Variants in MTUS1 observed in about 807,000 individuals in gnomAD.
The protein encoded by MTUS1 is microtubule-associated tumor suppressor 1.
Under a neutral mutation model 120.8 loss-of-function variants are expected in MTUS1, and 109 were observed. The ratio of observed to expected loss-of-function variants is 0.90; its 90% CI spans 0.77 to 1.06. MTUS1 has a LOEUF of 1.06. Among genes scored for constraint, MTUS1 ranks in the 50% least tolerant of loss-of-function variants. The pLI, the probability that MTUS1 is intolerant of heterozygous loss-of-function variation, is 0.00. For missense variants in MTUS1, 2,210 were observed against 1,486.3 expected (o/e 1.49, Z -8.01); for synonymous variants, 737 against 550.5 (o/e 1.34, Z -4.74).
chr8:17,782,062 C>T (rs574058479), intron 1 of MTUS1, among the ~76,000 whole-genome samples: 1 of 152,168 alleles, frequency 6.6e-6, no homozygotes, highest in South Asian at 2.1e-4. Context: ...TGGGCAAGTC[C>T]GTGGTTTTAT....
At chr8:17,750,552 C>G (rs2048108491) in intron 2 of MTUS1, among the ~76,000 whole-genome samples, 1 of 152,196 alleles carries the variant, frequency 6.6e-6, no homozygotes, top group Non-Finnish European at 1.5e-5. Context: ...CAAGTGAGGG[C>G]TCTGAGTGTG....
intron 8 of MTUS1, among the ~76,000 whole-genome samples, chr8:17,659,171 G>C (rs1391532907): frequency 6.6e-6 from 1 of 152,058 alleles, no homozygotes; most frequent in Non-Finnish European, 1.5e-5. Flanking sequence ...TTCTGATTCT[G>C]CCTGCACCCA....
At chr8:17,736,449 C>T (rs1326507581) in intron 3 of MTUS1, among the ~76,000 whole-genome samples, 2 of 152,192 alleles carry the variant, frequency 1.3e-5, no homozygotes, top group East Asian at 1.9e-4. Context: ...AAAGTCCTCC[C>T]GCCTGACACC....
Position 17,684,423 on chromosome 8 carries a change from G to C in MTUS1, c.2743C>G (p.Gln915Glu). 5 of 1,614,128 alleles carry C rather than the reference G, an allele frequency of 3.1e-6. No homozygotes were observed. Among genetic ancestry groups the C allele is most frequent in the Non-Finnish European group, 4.2e-6 (5 of 1,180,002 alleles). The change falls in exon 7 of 15, where the codon CAA becomes GAA. Residue 915 changes from glutamine (Q) to glutamate (E), a missense_variant. Physicochemically the swap from Gln to Glu is conservative, Grantham distance 29 (BLOSUM62 2). Transcript: ENST00000693296. ...TTGAGCTGCAGGATAAATCCACTTT[G>C]GTTTTCACATTTTGTTTTATATTGC... ...LTQYKTKCEN[Q>E]SGFILQLKQL...
At chr8:17,676,562 C>T (rs1813163684) in intron 7 of MTUS1, 3 of 566,554 alleles carry the variant, frequency 5.3e-6, no homozygotes, top group South Asian at 4.7e-5. Context: ...CCTGTGATTA[C>T]TTAAAGCCAC....
rs184846212 is a variant in MTUS1 at position 17,686,668 on chromosome 8, T to C, written c.2624-2126A>G. 4.2e-3 allele frequency among the ~76,000 whole-genome samples: 646 copies of C among 152,374 alleles called. 2 individuals are homozygous for C. The highest frequency in any genetic ancestry group is 6.6e-3 in the Non-Finnish European group (452 of 68,028). On this transcript the variant is annotated intron_variant, in intron 6 of 14. Transcript: ENST00000693296. ...GAGCTTTAAAACTGTTGGTTTATAA[T>C]TATTTACAAAATCTGAGAGGTGAGT...
At chr8:17,790,062 G>T (rs2051642150) in intron 1 of MTUS1, among the ~76,000 whole-genome samples, 1 of 152,192 alleles carries the variant, frequency 6.6e-6, no homozygotes, top group South Asian at 2.1e-4. Context: ...TTTAAAAAAA[G>T]TTTCAACTGG....
chr8:17,762,295 A>G (rs1440007888), intron 1 of MTUS1, among the ~76,000 whole-genome samples: 1 of 152,150 alleles, frequency 6.6e-6, no homozygotes, highest in Admixed American at 6.5e-5. Context: ...AAAACAAAAC[A>G]AAAACAAAAA....
At chr8:17,717,314 A>G (rs963424592) in intron 4 of MTUS1, among the ~76,000 whole-genome samples, 9 of 152,234 alleles carry the variant, frequency 5.9e-5, no homozygotes, top group African/African-American at 1.9e-4. Flanking sequence ...CAAAGTTGAC[A>G]GGAAGCTAAT....
intron 1 of MTUS1, among the ~76,000 whole-genome samples, chr8:17,793,492 A>C (rs1031789635): frequency 3.3e-5 from 5 of 152,202 alleles, no homozygotes; most frequent in African/African-American, 1.2e-4. Flanking sequence ...TGACAAAAGA[A>C]TTTCAAATTC....
chr8:17,671,214 G>A (rs1164607058), intron 8 of MTUS1, among the ~76,000 whole-genome samples: 1 of 151,824 alleles, frequency 6.6e-6, no homozygotes, highest in East Asian at 1.9e-4. Context: ...TTATGTCAGG[G>A]CAGTGGAGCT....
At chr8:17,799,679 A>T (rs1457302588) in intron 1 of MTUS1, among the ~76,000 whole-genome samples, 1 of 152,076 alleles carries the variant, frequency 6.6e-6, no homozygotes, top group Non-Finnish European at 1.5e-5. Context: ...CCAAAATGTA[A>T]CCTTGACTTA....
rs1445361261 is a variant in MTUS1, at chr8:17,717,223, C to G, written c.2450-1322G>C. 2.0e-5 allele frequency among the ~76,000 whole-genome samples: 3 copies of G among 152,202 alleles called. No homozygotes were observed. The East Asian group carries it at 5.8e-4, about 29-fold the overall frequency. On this transcript the variant is annotated intron_variant, in intron 4 of 14. Transcript: ENST00000693296. ...AGGTCAAATCAACACAGAGCTTTCC[C>G]TCCTGCTGAGAAAATTCTGTCAATT... is the stretch of plus-strand genomic sequence containing the variant.
intron 6 of MTUS1, among the ~76,000 whole-genome samples, chr8:17,687,088 G>C (rs1815969907): frequency 6.6e-6 from 1 of 152,128 alleles, no homozygotes; most frequent in Admixed American, 6.5e-5. Context: ...ATAGCTTTAT[G>C]ATTAAGGAGG....
chr8:17,756,609 G>A (rs1322906804), intron 1 of MTUS1, among the ~76,000 whole-genome samples: 2 of 150,556 alleles, frequency 1.3e-5, no homozygotes, highest in Non-Finnish European at 2.9e-5. Flanking sequence ...TGAAATGTGA[G>A]TTACCTTATG....
Position 17,649,798 on chromosome 8 carries a change from C to T in MTUS1, c.3501+48G>A, listed in dbSNP as rs765925083. ...CTAAAATGCAGGGCTCAATTTCACA[C>T]ATATTACCCCATTTGTAAGATCCTC... On this transcript the variant is annotated intron_variant, in intron 13 of 14. Coordinates refer to ENST00000693296, the MANE Select transcript of MTUS1 (RefSeq NM_001363059.2). 4.8e-6 allele frequency: 5 copies of T among 1,036,112 alleles called. No homozygotes were observed. The South Asian group carries it at 5.1e-5, about 11-fold the overall frequency. 64.2% of individuals were successfully genotyped at this position (1,036,112 alleles called of 1,614,324 possible).
intron 6 of MTUS1, chr8:17,693,159 C>T (rs1339713373): frequency 6.6e-6 from 1 of 152,148 alleles, no homozygotes; most frequent in Non-Finnish European, 1.5e-5. Flanking sequence ...TCTTTTCCCT[C>T]CACTAACTCA....
At chr8:17,762,348 A>G (rs1187527565) in intron 1 of MTUS1, among the ~76,000 whole-genome samples, 1 of 152,208 alleles carries the variant, frequency 6.6e-6, no homozygotes, top group Non-Finnish European at 1.5e-5. Context: ...TGTATTATAA[A>G]AAATATATTC....
intron 8 of MTUS1, among the ~76,000 whole-genome samples, chr8:17,672,323 C>T (rs1019857427): frequency 4.0e-5 from 6 of 151,006 alleles, no homozygotes; most frequent in Non-Finnish European, 8.8e-5. Context: ...GTAATCCTCA[C>T]ACCCACCCTT....
Sources: allele counts gnomAD v4.1 joint callset (sites outside exome capture counted in the v4.1 genomes callset), GRCh38; gene constraint gnomAD v4.1.1; transcripts MANE v1.5; gene names NCBI Gene and HGNC (gene_info 2026-07-23, HGNC 2026-07-21).